GSE1: variants seen among roughly 807,000 people sequenced by gnomAD.
The protein encoded by GSE1 is Gse1 coiled-coil protein.
GSE1 carries 32 observed loss-of-function variants against 112.6 expected under a neutral mutation model. The ratio of observed to expected loss-of-function variants is 0.28; its 90% CI spans 0.21 to 0.38. The LOEUF is 0.38. Among genes scored for constraint, GSE1 ranks in the 10% least tolerant of loss-of-function variants. The pLI, the probability that GSE1 is intolerant of heterozygous loss-of-function variation, is 1.00. For synonymous variants in GSE1, 1,115 were observed against 735.6 expected (o/e 1.52, Z -8.35); for missense variants, 2,348 against 1,699.2 (o/e 1.38, Z -6.71).
chr16:85,220,502 C>T (rs998148145), intron 1 of GSE1, among the ~76,000 whole-genome samples: 9 of 152,212 alleles, frequency 5.9e-5, no homozygotes, highest in East Asian at 5.8e-4. Flanking sequence ...GCCGGGCCCG[C>T]GGCCAGGAGC....
intron 2 of GSE1, among the ~76,000 whole-genome samples, chr16:85,443,208 G>A (rs1419962376): frequency 3.9e-5 from 6 of 152,200 alleles, no homozygotes; most frequent in Non-Finnish European, 2.9e-5. Context: ...CCTCCCCAGC[G>A]TGCTGCTGCC....
intron 2 of GSE1, among the ~76,000 whole-genome samples, chr16:85,443,012 G>A (rs754663735): frequency 5.3e-5 from 8 of 152,220 alleles, no homozygotes; most frequent in Non-Finnish European, 8.8e-5. Context: ...TGTGAGCTCT[G>A]TGTCTTCTTT....
At chr16:85,232,592 C>T (rs1904298590) in intron 1 of GSE1, among the ~76,000 whole-genome samples, 1 of 152,230 alleles carries the variant, frequency 6.6e-6, no homozygotes, top group African/African-American at 2.4e-5. Context: ...GGAGGCCCAG[C>T]AGACCCAGCT....
chr16:85,667,601 T>C (rs146429514), intron 13 of GSE1, among the ~76,000 whole-genome samples: 1 of 152,354 alleles, frequency 6.6e-6, no homozygotes, highest in East Asian at 1.9e-4. Context: ...CTCACGCTTG[T>C]AATTCCAGCA....
chr16:85,272,479 A>G (rs1252068125), intron 1 of GSE1, among the ~76,000 whole-genome samples: 2 of 152,130 alleles, frequency 1.3e-5, no homozygotes, highest in Admixed American at 6.5e-5. Context: ...ATCTTTCTAC[A>G]TGTCACCCTT....
At chr16:85,450,240 T>G (rs796376638) in intron 2 of GSE1, among the ~76,000 whole-genome samples, 10 of 145,188 alleles carry the variant, frequency 6.9e-5, no homozygotes, top group African/African-American at 2.5e-4. Flanking sequence ...TGCCTCAGCC[T>G]CCCAAGTAGC....
intron 2 of GSE1, among the ~76,000 whole-genome samples, chr16:85,455,790 A>G (rs148213576): frequency 6.7e-4 from 102 of 152,334 alleles, no homozygotes; most frequent in African/African-American, 2.2e-3. Context: ...ACGTGCAGGC[A>G]GCTGTCTGGG....
At chr16:85,463,058 C>G in intron 2 of GSE1, 1 of 982,036 alleles carries the variant, frequency 1.0e-6, no homozygotes, top group Non-Finnish European at 1.2e-6. Context: ...GGCCCCGGGT[C>G]CCGCGGCCCG....
chr16:85,257,572 C>T (rs776145043), intron 1 of GSE1, among the ~76,000 whole-genome samples: 1 of 152,222 alleles, frequency 6.6e-6, no homozygotes, highest in Admixed American at 6.5e-5. Context: ...CACATTTAGT[C>T]AAGCATTTTA....
chr16:85,223,732 T>G (rs2075433460), intron 1 of GSE1, among the ~76,000 whole-genome samples: 1 of 151,764 alleles, frequency 6.6e-6, no homozygotes, highest in Non-Finnish European at 1.5e-5. Context: ...AACCTCCCGA[T>G]TAGCTGGGAT....
intron 1 of GSE1, among the ~76,000 whole-genome samples, chr16:85,315,705 C>T (rs1272625399): frequency 6.6e-6 from 1 of 152,208 alleles, no homozygotes; most frequent in Non-Finnish European, 1.5e-5. Context: ...AACGAACACG[C>T]TTTTAGTATA....
At chr16:85,635,248 G>A (rs775272299) in intron 2 of GSE1, among the ~76,000 whole-genome samples, 2 of 152,168 alleles carry the variant, frequency 1.3e-5, no homozygotes, top group Non-Finnish European at 2.9e-5. Context: ...TGGATGGGGG[G>A]TATTGGCCCA....
At chr16:85,653,791 C>T (rs1487449800) in intron 3 of GSE1, among the ~76,000 whole-genome samples, 1 of 152,206 alleles carries the variant, frequency 6.6e-6, no homozygotes, top group African/African-American at 2.4e-5. Flanking sequence ...GGCACCAGGG[C>T]CAGGACATCT....
At chr16:85,637,179 G>T (rs1045055263) in intron 2 of GSE1, among the ~76,000 whole-genome samples, 3 of 152,118 alleles carry the variant, frequency 2.0e-5, no homozygotes, top group African/African-American at 7.2e-5. Flanking sequence ...CAGCTCCCAC[G>T]CCCTCCCCCA....
chr16:85,397,695 G>T (rs939801114), intron 2 of GSE1, among the ~76,000 whole-genome samples: 1 of 152,226 alleles, frequency 6.6e-6, no homozygotes, highest in Non-Finnish European at 1.5e-5. Flanking sequence ...TGGAGGACGC[G>T]CGTCAGCCTC....
At chr16:85,383,410 G>A (rs1043251160) in intron 2 of GSE1, among the ~76,000 whole-genome samples, 9 of 150,724 alleles carry the variant, frequency 6.0e-5, no homozygotes, top group Admixed American at 6.6e-5. Flanking sequence ...GCACACACAC[G>A]CACACACAGC....
intron 1 of GSE1, among the ~76,000 whole-genome samples, chr16:85,207,192 C>G (rs1314647059): frequency 3.9e-5 from 6 of 152,320 alleles, no homozygotes; most frequent in East Asian, 3.9e-4. Context: ...CTGGGACCCC[C>G]CCGTCCTCCC....
intron 1 of GSE1, among the ~76,000 whole-genome samples, chr16:85,261,991 G>T (rs562209172): frequency 1.6e-4 from 25 of 152,222 alleles, no homozygotes; most frequent in Non-Finnish European, 2.8e-4. Context: ...CCACTTTACA[G>T]ATGGGCAGAC....
chr16:85,584,118 G>A (rs754684689), intron 1 of GSE1, among the ~76,000 whole-genome samples: 25 of 152,212 alleles, frequency 1.6e-4, no homozygotes, highest in Admixed American at 3.9e-4. Context: ...TGCACAGCCC[G>A]CAGACTGGCC....
Sources: gnomAD v4.1 joint callset for allele counts (sites outside exome capture counted in the v4.1 genomes callset) on GRCh38, gnomAD v4.1.1 for gene constraint, MANE v1.5 for transcripts, NCBI Gene and HGNC (gene_info 2026-07-23, HGNC 2026-07-21) for gene names.